CDK5RAP2: variants seen among roughly 807,000 people sequenced by gnomAD.
CDK5RAP2 encodes CDK5 regulatory subunit associated protein 2.
Under a neutral mutation model 232.9 loss-of-function variants are expected in CDK5RAP2, and 147 were observed. That is an observed-to-expected ratio of 0.63 (90% CI 0.55 to 0.72). CDK5RAP2 has a LOEUF of 0.72. Ranked by LOEUF, CDK5RAP2 falls within the 30% of genes least tolerant of loss-of-function variation. The pLI is 0.00. For missense variants in CDK5RAP2, 2,195 were observed against 2,231.5 expected (o/e 0.98, Z 0.33); for synonymous variants, 833 against 833.7 (o/e 1.00, Z 0.01).
At chr9:120,551,670 A>G (rs1467942610) in intron 3 of CDK5RAP2, among the ~76,000 whole-genome samples, 1 of 152,198 alleles carries the variant, frequency 6.6e-6, no homozygotes, top group East Asian at 1.9e-4. Context: ...TAAGGCAAAA[A>G]TGTTTGGTGA....
At chr9:120,410,845 T>C (rs1021009976) in intron 29 of CDK5RAP2, among the ~76,000 whole-genome samples, 4 of 152,236 alleles carry the variant, frequency 2.6e-5, no homozygotes, top group African/African-American at 9.6e-5. Flanking sequence ...ATCCCAGAAC[T>C]GTTTTCAGTA....
Position 120,399,394 on chromosome 9 carries a change from A to G in CDK5RAP2, c.5451+1348T>C, listed in dbSNP as rs547848818. Among the ~76,000 whole-genome samples the G allele has an allele frequency of 3.3e-5, 5 of 152,368 alleles. No homozygotes were observed. The South Asian group carries it at 1.0e-3, about 32-fold the overall frequency. ...AAAAAAATCACTGGTTCATTCAAAAAATATAAATAAAACAGACACCATCCT... is the reference window on the plus strand; with the variant it reads ...AAAAAAATCACTGGTTCATTCAAAAGATATAAATAAAACAGACACCATCCT... On this transcript the variant is annotated intron_variant, in intron 35 of 37. Coordinates refer to ENST00000349780, the MANE Select transcript of CDK5RAP2 (RefSeq NM_018249.6).
At chr9:120,470,289 C>T (rs2037623387) in intron 16 of CDK5RAP2, 69 bp from the exon 17 acceptor site, 1 of 733,652 alleles carries the variant, frequency 1.4e-6, no homozygotes, top group Admixed American at 2.6e-5. Context: ...CAGATCCTCC[C>T]AAGACTGACC....
chr9:120,390,195 G>C (rs2031811001), intron 36 of CDK5RAP2: 1 of 195,006 alleles, frequency 5.1e-6, no homozygotes, highest in African/African-American at 2.3e-5. Flanking sequence ...TAGTTTCCTA[G>C]GCCCTCTGGG....
At position 120,403,958 on chromosome 9, in the gene CDK5RAP2, AC is replaced by A. The variant is rs1229763070; in HGVS notation, c.5041+77del. 14 of 958,244 alleles carry A rather than the reference AC, an allele frequency of 1.5e-5. No homozygotes were observed. Among genetic ancestry groups the A allele is most frequent in the Non-Finnish European group, 2.1e-5 (12 of 583,510 alleles). 59.4% of individuals were successfully genotyped at this position (958,244 alleles called of 1,614,324 possible). ...ATACCCTCCTGAGTTGGGACCAGGG[AC>A]CCCCCTTTTCTGCAAGTTAAAAAGT... On this transcript the variant is annotated intron_variant, in intron 33 of 37. Transcript: ENST00000349780. The surrounding 1 kb of genome is among the most constrained non-coding windows in gnomAD (Gnocchi z 4.2).
At chr9:120,482,416 C>G (rs2038371580) in intron 14 of CDK5RAP2, among the ~76,000 whole-genome samples, 1 of 152,196 alleles carries the variant, frequency 6.6e-6, no homozygotes, top group Non-Finnish European at 1.5e-5. Context: ...TCCTCCCTTC[C>G]TCCTACCCTT....
chr9:120,408,857 C>T (rs1374341839), intron 30 of CDK5RAP2, among the ~76,000 whole-genome samples: 3 of 152,284 alleles, frequency 2.0e-5, no homozygotes, highest in African/African-American at 7.2e-5. Context: ...CACCTCCTCA[C>T]TGCATTCAGC....
At chr9:120,570,664 C>T (rs2042820381) in intron 2 of CDK5RAP2, among the ~76,000 whole-genome samples, 1 of 150,758 alleles carries the variant, frequency 6.6e-6, no homozygotes, top group Admixed American at 6.6e-5. Flanking sequence ...ACATGGTGAA[C>T]TCTGTCTCTA....
At chr9:120,564,992 T>C (rs932275948) in intron 3 of CDK5RAP2, among the ~76,000 whole-genome samples, 1 of 152,166 alleles carries the variant, frequency 6.6e-6, no homozygotes, top group African/African-American at 2.4e-5. Context: ...CTTCCTACCA[T>C]AAGGCCTGCC....
chr9:120,408,758 T>C (rs1276944378), intron 30 of CDK5RAP2, among the ~76,000 whole-genome samples: 4 of 152,242 alleles, frequency 2.6e-5, no homozygotes, highest in Non-Finnish European at 4.4e-5. Context: ...TACACTGCCC[T>C]GCTCTGTCCG....
At position 120,389,159 on chromosome 9, in the gene CDK5RAP2, T is replaced by C. The variant is rs899883845; in HGVS notation, c.*77A>G. On this transcript the variant is annotated 3_prime_UTR_variant, in exon 38 of 38. Transcript: ENST00000349780. ...AGACAGCTCTTTCTTCCTCAATAAA[T>C]AGGAACCACACTTGGAACAAAGAGA... 5 of 1,212,272 alleles carry C rather than the reference T, an allele frequency of 4.1e-6. No homozygotes were observed. Among genetic ancestry groups the C allele is most frequent in the Admixed American group, 1.9e-5 (1 of 53,406 alleles). 75.1% of individuals were successfully genotyped at this position (1,212,272 alleles called of 1,614,324 possible).
intron 31 of CDK5RAP2, 31 bp downstream of exon 31, chr9:120,408,316 A>G (rs1413525357): frequency 6.2e-7 from 1 of 1,613,174 alleles, no homozygotes; most frequent in Non-Finnish European, 8.5e-7. Flanking sequence ...CCCAAAGCAC[A>G]GTAGCCTCAA....
At chr9:120,438,046 AGTCT>A (rs1044547568) in intron 24 of CDK5RAP2, among the ~76,000 whole-genome samples, 33 of 152,234 alleles carry the variant, frequency 2.2e-4, no homozygotes, top group African/African-American at 7.7e-4. Context: ...TGATCCTCTC[AGTCT>A]TCCAACAAAT....
intron 23 of CDK5RAP2, 63 bp from the exon 24 acceptor site, chr9:120,440,035 C>A: frequency 6.9e-7 from 1 of 1,458,388 alleles, no homozygotes; most frequent in East Asian, 2.3e-5. Context: ...TCTCTCCTTC[C>A]TCACAGCCCT....
intron 7 of CDK5RAP2, among the ~76,000 whole-genome samples, chr9:120,534,063 C>T (rs2041281233): frequency 2.0e-5 from 3 of 152,144 alleles, no homozygotes; most frequent in Admixed American, 2.0e-4. Context: ...GCAGAAAGAC[C>T]TTTCTAAATT....
intron 25 of CDK5RAP2, among the ~76,000 whole-genome samples, chr9:120,430,910 C>T (rs1370371779): frequency 6.6e-6 from 1 of 152,194 alleles, no homozygotes; most frequent in Non-Finnish European, 1.5e-5. Context: ...GGCACATATA[C>T]ACCATGGAAT....
chr9:120,547,914 C>A (rs1051774660), intron 4 of CDK5RAP2, among the ~76,000 whole-genome samples: 1 of 152,212 alleles, frequency 6.6e-6, no homozygotes, highest in Non-Finnish European at 1.5e-5. Context: ...GAATACAAAA[C>A]TAGAAGCACA....
intron 3 of CDK5RAP2, among the ~76,000 whole-genome samples, chr9:120,560,174 T>A (rs910147480): frequency 1.3e-5 from 2 of 152,226 alleles, no homozygotes; most frequent in Non-Finnish European, 2.9e-5. Flanking sequence ...GCTGCTACTT[T>A]TGCAGTGTGT....
intron 24 of CDK5RAP2, among the ~76,000 whole-genome samples, chr9:120,438,817 G>A (rs1400161421): frequency 1.3e-5 from 2 of 152,074 alleles, no homozygotes; most frequent in African/African-American, 4.8e-5. Context: ...GACAAATGAA[G>A]GTCAACTTTA....
Sources: gnomAD v4.1 joint callset for allele counts (sites outside exome capture counted in the v4.1 genomes callset) on GRCh38, gnomAD v4.1.1 for gene constraint, Gnocchi (gnomAD v3.1) non-coding constraint, MANE v1.5 for transcripts, NCBI Gene and HGNC (gene_info 2026-07-23, HGNC 2026-07-21) for gene names.